Variants in HEPACAM observed in about 807,000 individuals in gnomAD.
HEPACAM encodes hepatocyte cell adhesion molecule.
HEPACAM carries 18 observed loss-of-function variants against 38.3 expected under a neutral mutation model. The observed-to-expected ratio is 0.47, with a 90% CI of 0.33 to 0.70. HEPACAM has a LOEUF of 0.70. HEPACAM is among the 30% of genes least tolerant of loss of function. The probability of loss-of-function intolerance (pLI) is 0.03; values close to 1 mark genes in which losing one functional copy is unlikely to be tolerated. For synonymous variants in HEPACAM, 216 were observed against 243.1 expected (o/e 0.89, Z 1.04); for missense variants, 466 against 563.0 (o/e 0.83, Z 1.74).
At position 124,920,195 on chromosome 11, in the gene HEPACAM, C is replaced by T. The variant is rs886047921; in HGVS notation, c.*943G>A. The T allele has an allele frequency of 1.1e-5, 10 of 881,256 alleles. No homozygotes were observed. The highest frequency in any genetic ancestry group is 1.6e-5 in the Non-Finnish European group (9 of 577,766). The allele number at this position is 881,256 out of a possible 1,614,324, so 54.6% of individuals were successfully genotyped here. On this transcript the variant is annotated 3_prime_UTR_variant, in exon 7 of 7. Transcript: ENST00000298251. ...GACTTATTCTCACAGCTGGAGGAAG[C>T]TCAACAACTTTCCTGAGGACAATGA...
At chr11:124,925,987 G>C (rs886399800) in intron 1 of HEPACAM, among the ~76,000 whole-genome samples, 13 of 152,196 alleles carry the variant, frequency 8.5e-5, no homozygotes, top group Admixed American at 6.5e-4. Flanking sequence ...GATCACCTGA[G>C]GTCAGGAGTT....
At position 124,921,237 on chromosome 11, in the gene HEPACAM, C is replaced by T. The variant is rs898123039; in HGVS notation, c.1152G>A (p.Ser384=). The change falls in exon 7 of 7, where the codon TCG becomes TCA. Residue 384 remains serine (S), a synonymous_variant. Transcript: ENST00000298251. The surrounding 1 kb of genome is among the most constrained non-coding windows in gnomAD (Gnocchi z 4.6). ...THSSPPRAPS[S]PGRSRSASRT... ...GCGAGGCGCTGCGCGAGCGGCCGGG[C>T]GAGCTCGGGGCCCTGGGCGGCGACG... 26 of 1,466,402 alleles carry T rather than the reference C, an allele frequency of 1.8e-5. No homozygotes were observed. Among genetic ancestry groups the T allele is most frequent in the Non-Finnish European group, 2.2e-5 (24 of 1,115,098 alleles). 90.8% of individuals were successfully genotyped at this position (1,466,402 alleles called of 1,614,324 possible). A position where few individuals can be genotyped will look rare whatever the true frequency, so the allele number is the denominator to read the frequency against.
chr11:124,932,638 C>T (rs1156421459), intron 1 of HEPACAM, among the ~76,000 whole-genome samples: 4 of 152,052 alleles, frequency 2.6e-5, no homozygotes, highest in Admixed American at 2.6e-4. Flanking sequence ...TCCAGTCTCC[C>T]CTTGAGTGCC....
rs1382389482 is a variant in HEPACAM at position 124,921,202 on chromosome 11, C to T, written c.1187G>A (p.Arg396Gln). The T allele has an allele frequency of 3.3e-6, 5 of 1,511,410 alleles. No individual in the cohort carries two copies. The highest frequency in any genetic ancestry group is 3.5e-6 in the Non-Finnish European group (4 of 1,136,884). 93.6% of individuals were successfully genotyped at this position (1,511,410 alleles called of 1,614,324 possible). The stretch of plus-strand genomic sequence containing the variant: ...GCGGATTATGTGCACGCCCGCAGTC[C>T]GCAGTGTGCGCGAGGCGCTGCGCGA... ...GRSRSASRTL[R>Q]TAGVHIIREQ... Residue 396 changes from arginine (R) to glutamine (Q), a missense_variant, in exon 7 of 7, where the codon CGG becomes CAG. By Grantham distance (43) the Arg-to-Gln change is conservative. Coordinates refer to ENST00000298251, the MANE Select transcript of HEPACAM (RefSeq NM_152722.5). The surrounding 1 kb of genome is among the most constrained non-coding windows in gnomAD (Gnocchi z 4.6).
In HEPACAM at chr11:124,921,280, G is replaced by A; in HGVS notation, c.1109C>T (p.Ala370Val). The change falls in exon 7 of 7, where the codon GCC becomes GTC. Residue 370 changes from alanine (A) to valine (V), a missense_variant. Coordinates refer to ENST00000298251, the MANE Select transcript of HEPACAM (RefSeq NM_152722.5). This position sits in a 1 kb window ranked among gnomAD's most constrained non-coding sequence, Gnocchi z 4.6. Reference sequence around the variant, plus strand: ...CGGCGACGAGTGTGTCCGGCCGGTGGCTGGGGAGCGCGCTGGGGAGCGCGG... The same window carrying A: ...CGGCGACGAGTGTGTCCGGCCGGTGACTGGGGAGCGCGCTGGGGAGCGCGG... ...RYPRSPARSP[A>V]TGRTHSSPPR... 1 of 1,346,684 alleles carries A rather than the reference G, an allele frequency of 7.4e-7. No individual in the cohort carries two copies. Among genetic ancestry groups the A allele is most frequent in the Non-Finnish European group, 9.5e-7 (1 of 1,056,548 alleles). 83.4% of individuals were successfully genotyped at this position (1,346,684 alleles called of 1,614,324 possible).
chr11:124,927,523 G>C (rs4294573), intron 1 of HEPACAM, among the ~76,000 whole-genome samples: 1 of 97,584 alleles, frequency 1.0e-5, no homozygotes, highest in Non-Finnish European at 1.8e-5. Context: ...TTTTTTTTTT[G>C]TTTTTTTTTT....
chr11:124,920,483 G>A lies in HEPACAM; in HGVS notation c.*655C>T, dbSNP rs536898576. The A allele has an allele frequency of 2.0e-6, 3 of 1,532,134 alleles. No individual in the cohort carries two copies. Among genetic ancestry groups the A allele is most frequent in the South Asian group, 1.2e-5 (1 of 82,828 alleles). 94.9% of individuals were successfully genotyped at this position (1,532,134 alleles called of 1,614,324 possible). A position where few individuals can be genotyped will look rare whatever the true frequency, so the allele number is the denominator to read the frequency against. ...GCCCTTGCTAGCGCCCAGGTCAGAG[G>A]GAAAAGGAATGTACTCGTACCCTTC... On this transcript the variant is annotated 3_prime_UTR_variant, in exon 7 of 7. Transcript: ENST00000298251.
intron 1 of HEPACAM, among the ~76,000 whole-genome samples, chr11:124,927,298 A>C (rs911684529): frequency 6.6e-6 from 1 of 151,912 alleles, no homozygotes; most frequent in African/African-American, 2.4e-5. Context: ...CCTCCTCTGT[A>C]TAATGAAGTA....
chr11:124,924,053 A>C lies in HEPACAM; in HGVS notation c.428-43T>G. 2 of 1,569,320 alleles carry C rather than the reference A, an allele frequency of 1.3e-6. No individual in the cohort carries two copies. The highest frequency in any genetic ancestry group is 1.7e-6 in the Non-Finnish European group (2 of 1,161,702). On this transcript the variant is annotated intron_variant, in intron 2 of 6. Coordinates refer to ENST00000298251, the MANE Select transcript of HEPACAM (RefSeq NM_152722.5). This position sits in a 1 kb window ranked among gnomAD's most constrained non-coding sequence, Gnocchi z 4.4. ...GGGAGCCTGTAAGTCATTGGCTAAGAAGTGTCTCCCTTCCCCTTTTTAGCT... is the reference window on the plus strand; with the variant it reads ...GGGAGCCTGTAAGTCATTGGCTAAGCAGTGTCTCCCTTCCCCTTTTTAGCT...
intron 1 of HEPACAM, among the ~76,000 whole-genome samples, chr11:124,931,498 C>T (rs1947280509): frequency 1.3e-5 from 2 of 152,198 alleles, no homozygotes; most frequent in Non-Finnish European, 2.9e-5. Flanking sequence ...TGAGCCATCA[C>T]ACCAACCTTA....
chr11:124,922,818 C>A lies in HEPACAM; in HGVS notation c.804G>T (p.Arg268Ser). 1 of 1,614,146 alleles carries A rather than the reference C, an allele frequency of 6.2e-7. No homozygotes were observed. The highest frequency in any genetic ancestry group is 8.5e-7 in the Non-Finnish European group (1 of 1,180,018). Residue 268 changes from arginine to serine, a missense_variant and splice_region_variant, in exon 5 of 7, where the codon AGG becomes AGT. Coordinates refer to ENST00000298251, the MANE Select transcript of HEPACAM (RefSeq NM_152722.5). ...TTTGCTTTTCTAGCTTCTTCTGTTT[C>A]CTGTGAATCAATTCAGCCCCACTAT... ...TVCACWKPSK[R>S]KQKKLEKQNS...
Position 124,919,688 on chromosome 11 carries a change from G to C in HEPACAM, c.*1450C>G. On this transcript the variant is annotated 3_prime_UTR_variant, in exon 7 of 7. Coordinates refer to ENST00000298251, the MANE Select transcript of HEPACAM (RefSeq NM_152722.5). Reference sequence around the variant, plus strand: ...GCATGCTGTGGGGTTCAGGGCAGAGGGGGCAAACTAGAAATGTCAGTGCCT... The same window carrying C: ...GCATGCTGTGGGGTTCAGGGCAGAGCGGGCAAACTAGAAATGTCAGTGCCT... 1 of 1,576,670 alleles carries C rather than the reference G, an allele frequency of 6.3e-7. No homozygotes were observed. Among genetic ancestry groups the C allele is most frequent in the Non-Finnish European group, 8.6e-7 (1 of 1,159,340 alleles).
chr11:124,936,000 T>C lies in HEPACAM; in HGVS notation c.7A>G (p.Arg3Gly). The C allele has an allele frequency of 1.9e-6, 3 of 1,613,950 alleles. No homozygotes were observed. Among genetic ancestry groups the C allele is most frequent in the Non-Finnish European group, 2.5e-6 (3 of 1,179,944 alleles). MKRERGALSRASR... is the reference protein window; with the variant it reads MKGERGALSRASR... ...GCTCTGGACAGGGCTCCCCTTTCTC[T>C]CTTCATTTTGGGTGGCGTTCTCCAG... The change falls in exon 1 of 7, where the codon AGA becomes GGA. Residue 3 changes from arginine to glycine, a missense_variant. Arg to Gly is a moderately radical substitution (Grantham distance 125, BLOSUM62 -2). Coordinates refer to ENST00000298251, the MANE Select transcript of HEPACAM (RefSeq NM_152722.5).
intron 5 of HEPACAM, 33 bp downstream of exon 5, chr11:124,922,712 A>G: frequency 6.2e-7 from 1 of 1,614,040 alleles, no homozygotes; most frequent in East Asian, 2.2e-5. Context: ...CTGATTGTTG[A>G]TGGGATGGGT....
intron 1 of HEPACAM, 126 bp downstream of exon 1, chr11:124,935,796 C>T: frequency 1.3e-6 from 1 of 779,806 alleles, no homozygotes; most frequent in Non-Finnish European, 2.2e-6. Flanking sequence ...TGACATGTTT[C>T]CCACGGCAGC....
At chr11:124,930,560 G>A (rs913827443) in intron 1 of HEPACAM, among the ~76,000 whole-genome samples, 1 of 152,166 alleles carries the variant, frequency 6.6e-6, no homozygotes, top group African/African-American at 2.4e-5. Context: ...TACTATGTTT[G>A]TGGACTGGAA....
Position 124,920,677 on chromosome 11 carries a change from G to GAAA in HEPACAM, c.*460_*461insTTT, listed in dbSNP as rs1565336612. On this transcript the variant is annotated 3_prime_UTR_variant, in exon 7 of 7. Coordinates refer to ENST00000298251, the MANE Select transcript of HEPACAM (RefSeq NM_152722.5). ...AAAGTGGCCTCTCTAATCTGAACTT[G>GAAA]CAAAAAAAAAAAAAAAAAAAAAAAA... The GAAA allele has an allele frequency of 1.2e-3, 128 of 108,086 alleles. 1 individual carries two copies. The highest frequency in any genetic ancestry group is 3.5e-3 in the African/African-American group (21 of 6,020). 6.7% of individuals were successfully genotyped at this position (108,086 alleles called of 1,614,324 possible). A position where few individuals can be genotyped will look rare whatever the true frequency, so the allele number is the denominator to read the frequency against.
Position 124,924,663 on chromosome 11 carries a change from G to T in HEPACAM, c.427+65C>A. On this transcript the variant is annotated intron_variant, in intron 2 of 6. Transcript: ENST00000298251. The surrounding 1 kb of genome is among the most constrained non-coding windows in gnomAD (Gnocchi z 4.4). ...GGTTTTCCCTCAGTCTAGCTGGTGC[G>T]CTGGGCAGACCTTTCCCTAGTCCCA... 1 of 1,431,212 alleles carries T rather than the reference G, an allele frequency of 7.0e-7. No individual in the cohort carries two copies. The highest frequency in any genetic ancestry group is 9.8e-7 in the Non-Finnish European group (1 of 1,015,306). 88.7% of individuals were successfully genotyped at this position (1,431,212 alleles called of 1,614,324 possible). A position where few individuals can be genotyped will look rare whatever the true frequency, so the allele number is the denominator to read the frequency against.
chr11:124,933,529 G>C (rs746216177), intron 1 of HEPACAM, among the ~76,000 whole-genome samples: 15 of 152,046 alleles, frequency 9.9e-5, no homozygotes, highest in South Asian at 2.1e-4. Context: ...GAATATCCTT[G>C]ATCACCTTTT....
Sources: gnomAD v4.1 joint callset for allele counts (sites outside exome capture counted in the v4.1 genomes callset) on GRCh38, gnomAD v4.1.1 for gene constraint, Gnocchi (gnomAD v3.1) non-coding constraint, MANE v1.5 for transcripts, NCBI Gene and HGNC (gene_info 2026-07-23, HGNC 2026-07-21) for gene names.